DSTYK: variants seen among roughly 807,000 people sequenced by gnomAD.
The protein encoded by DSTYK is RIP-homologous kinase.
A neutral mutation model predicts 98.7 loss-of-function variants in DSTYK; 34 were observed. The observed-to-expected ratio is 0.34, with a 90% CI of 0.26 to 0.46. DSTYK has a LOEUF of 0.46. Among genes scored for constraint, DSTYK ranks in the 20% least tolerant of loss-of-function variants. The pLI is 1.00. For synonymous variants in DSTYK, 462 were observed against 457.3 expected, an observed-to-expected ratio of 1.01 and a Z score of -0.13; for missense variants, 962 against 1,181.7, an observed-to-expected ratio of 0.81 and a Z score of 2.73.
chr1:205,171,581 A>AC (rs1477150696), intron 2 of DSTYK, among the ~76,000 whole-genome samples: 1 of 152,042 alleles, frequency 6.6e-6, no homozygotes, highest in African/African-American at 2.4e-5. Context: ...TTCCAAACAC[A>AC]CAAGAGCATA....
At chr1:205,162,259 A>T in intron 5 of DSTYK, 47 bp from the exon 6 acceptor site, 2 of 1,598,214 alleles carry the variant, frequency 1.3e-6, no homozygotes, top group South Asian at 2.2e-5. Flanking sequence ...AGAGACAAGA[A>T]CCACTACAAA....
intron 7 of DSTYK, among the ~76,000 whole-genome samples, 197 bp from the exon 8 acceptor site, chr1:205,160,467 T>C (rs1323910110): frequency 6.6e-6 from 1 of 151,648 alleles, no homozygotes; most frequent in Non-Finnish European, 1.5e-5. Context: ...TCCCAAGTAG[T>C]TGGGATTACA....
intron 7 of DSTYK, 127 bp downstream of exon 7, chr1:205,161,131 A>G (rs888634280): frequency 8.1e-7 from 1 of 1,233,134 alleles, no homozygotes; most frequent in African/African-American, 1.5e-5. Flanking sequence ...ATTCAAAAAC[A>G]TCAGTAAGGG....
At chr1:205,156,321 A>G (rs184630720) in intron 10 of DSTYK, among the ~76,000 whole-genome samples, 1 of 152,336 alleles carries the variant, frequency 6.6e-6, no homozygotes, top group African/African-American at 2.4e-5. Context: ...TAGAAAAGCC[A>G]CAGACACTCA....
At chr1:205,175,319 C>T (rs1425752490) in intron 2 of DSTYK, among the ~76,000 whole-genome samples, 3 of 151,900 alleles carry the variant, frequency 2.0e-5, no homozygotes, top group Non-Finnish European at 4.4e-5. Flanking sequence ...GTCTCGATCT[C>T]CTGACCTCGT....
chr1:205,203,139 A>G (rs1490460979), intron 1 of DSTYK, among the ~76,000 whole-genome samples: 1 of 152,144 alleles, frequency 6.6e-6, no homozygotes, highest in Non-Finnish European at 1.5e-5. Context: ...TTTTAAGACT[A>G]AACATATTGC....
At chr1:205,189,728 T>C (rs1303336033) in intron 1 of DSTYK, among the ~76,000 whole-genome samples, 1 of 152,112 alleles carries the variant, frequency 6.6e-6, no homozygotes, top group African/African-American at 2.4e-5. Context: ...CCTCTATGCA[T>C]TTCATTAGGG....
chr1:205,203,503 G>A (rs1218111209), intron 1 of DSTYK, among the ~76,000 whole-genome samples: 1 of 92,116 alleles, frequency 1.1e-5, no homozygotes, highest in Non-Finnish European at 2.1e-5. Flanking sequence ...GGAGGGGAGG[G>A]GTAGGGTAGG....
chr1:205,193,647 G>T (rs1049155184), intron 1 of DSTYK, among the ~76,000 whole-genome samples: 1 of 152,140 alleles, frequency 6.6e-6, no homozygotes, highest in East Asian at 1.9e-4. Flanking sequence ...CAGGTGGGTG[G>T]ATCACTTGAG....
Position 205,187,429 on chromosome 1 carries a change from C to T in DSTYK, c.643G>A (p.Ala215Thr), listed in dbSNP as rs1050080497. 1.2e-6 allele frequency: 2 copies of T among 1,610,028 alleles called. No individual in the cohort carries two copies. Among genetic ancestry groups the T allele is most frequent in the South Asian group, 1.1e-5 (1 of 90,612 alleles). ...LAELEVTMHH[A>T]LLQEVDVVVA... ...TATGAGATTGGTACCTGTAAGAGAG[C>T]ATGGTGCATCGTTACCTCCAGTTCC... The change falls in exon 2 of 13, where the codon GCT (alanine) becomes ACT (threonine). Residue 215 changes from alanine to threonine, a missense_variant. Physicochemically the swap from Ala to Thr is moderately conservative, Grantham distance 58. Around this residue, in one of 4 missense-constraint regions of DSTYK, gnomAD observed 660 missense variants for 855.0 expected, o/e 0.77. Coordinates refer to ENST00000367162, the MANE Select transcript of DSTYK (RefSeq NM_015375.3).
At chr1:205,202,788 G>T (rs1417827720) in intron 1 of DSTYK, 2 of 590,756 alleles carry the variant, frequency 3.4e-6, no homozygotes, top group Admixed American at 5.4e-5. Context: ...TTTAAAAAAA[G>T]GAAAGAAAAG....
intron 1 of DSTYK, among the ~76,000 whole-genome samples, chr1:205,209,223 G>A (rs1446631864): frequency 6.6e-6 from 1 of 152,186 alleles, no homozygotes; most frequent in African/African-American, 2.4e-5. Flanking sequence ...TTAGAAGCAA[G>A]TCTAAAATAA....
At chr1:205,156,561 A>G (rs1373400452) in intron 10 of DSTYK, among the ~76,000 whole-genome samples, 1 of 152,200 alleles carries the variant, frequency 6.6e-6, no homozygotes, top group Non-Finnish European at 1.5e-5. Context: ...TCTCATTTGG[A>G]ATGGGTGTAT....
At chr1:205,208,753 T>G (rs1023557456) in intron 1 of DSTYK, among the ~76,000 whole-genome samples, 2 of 152,176 alleles carry the variant, frequency 1.3e-5, no homozygotes, top group Non-Finnish European at 2.9e-5. Context: ...CTGAATAACT[T>G]GACCTTACAA....
chr1:205,160,272 T>C lies in DSTYK; in HGVS notation c.1949-2A>G. 6.2e-7 allele frequency: 1 copy of C among 1,613,610 alleles called. No individual in the cohort carries two copies. The highest frequency in any genetic ancestry group is 8.5e-7 in the Non-Finnish European group (1 of 1,179,964). ...GTTCCTGTCCCAGTTTAGGTTTACCTATAAGGTACAGAGACAGAGATAAGG... is the reference window on the plus strand; with the variant it reads ...GTTCCTGTCCCAGTTTAGGTTTACCCATAAGGTACAGAGACAGAGATAAGG... On this transcript the variant is annotated splice_acceptor_variant, in intron 7 of 12. Transcript: ENST00000367162. LOFTEE classifies it high-confidence loss of function.
chr1:205,164,996 G>A (rs903168462), intron 3 of DSTYK, among the ~76,000 whole-genome samples: 2 of 152,164 alleles, frequency 1.3e-5, no homozygotes, highest in African/African-American at 4.8e-5. Context: ...TGAACCCAGT[G>A]CTCATTATTC....
At position 205,211,259 on chromosome 1, in the gene DSTYK, T is replaced by C; in HGVS notation, c.265+12A>G. 6.3e-7 allele frequency: 1 copy of C among 1,595,992 alleles called. No homozygotes were observed. The highest frequency in any genetic ancestry group is 2.3e-5 in the East Asian group (1 of 44,088). On this transcript the variant is annotated intron_variant, in intron 1 of 12. Transcript: ENST00000367162. ...TCTCCTGCCCTCTCTCCCTCCGGGCTGCCCTCCTTACCCGCCTGCAGCCCG... is the reference window on the plus strand; with the variant it reads ...TCTCCTGCCCTCTCTCCCTCCGGGCCGCCCTCCTTACCCGCCTGCAGCCCG...
At chr1:205,165,767 G>A (rs1411252945) in intron 3 of DSTYK, among the ~76,000 whole-genome samples, 2 of 152,164 alleles carry the variant, frequency 1.3e-5, no homozygotes, top group Non-Finnish European at 1.5e-5. Flanking sequence ...AGTACATTTT[G>A]TATTAGCGAA....
At chr1:205,148,729 G>A (rs1185509915) in intron 11 of DSTYK, among the ~76,000 whole-genome samples, 3 of 152,114 alleles carry the variant, frequency 2.0e-5, no homozygotes, top group African/African-American at 7.2e-5. Context: ...AGAAGAGTCT[G>A]GATTCAGTGA....
Sources: gnomAD v4.1 joint callset for allele counts (sites outside exome capture counted in the v4.1 genomes callset) on GRCh38, gnomAD v4.1.1 for gene constraint, gnomAD v4.1.1 regional missense constraint, MANE v1.5 for transcripts, NCBI Gene and HGNC (gene_info 2026-07-23, HGNC 2026-07-21) for gene names.